The following RAD54L2 variants were observed in gnomAD, a reference collection of about 807,000 sequenced individuals.
RAD54L2 encodes RAD54 like 2, also known as helicase ARIP4.
A neutral mutation model predicts 138.4 loss-of-function variants in RAD54L2; 27 were observed. That is an observed-to-expected ratio of 0.20 (90% CI 0.14 to 0.27). RAD54L2 has a LOEUF of 0.27. RAD54L2 is among the 10% of genes least tolerant of loss of function. RAD54L2 has a pLI of 1.00. For synonymous variants in RAD54L2, 644 were observed against 723.2 expected, an observed-to-expected ratio of 0.89 and a Z score of 1.76; for missense variants, 1,396 against 1,890.2, an observed-to-expected ratio of 0.74 and a Z score of 4.85.
intron 3 of RAD54L2, among the ~76,000 whole-genome samples, chr3:51,614,860 G>A (rs932938612): frequency 8.6e-5 from 13 of 151,106 alleles, no homozygotes; most frequent in African/African-American, 3.2e-4. Flanking sequence ...CCCCCTAACA[G>A]TCTTTAATAT....
chr3:51,604,476 T>C (rs1473157942), intron 3 of RAD54L2, among the ~76,000 whole-genome samples: 10 of 151,774 alleles, frequency 6.6e-5, no homozygotes, highest in Non-Finnish European at 1.2e-4. Context: ...GAAATGGGAG[T>C]AGAGGGGAAG....
chr3:51,577,824 A>G (rs1021116525), intron 2 of RAD54L2, among the ~76,000 whole-genome samples: 2 of 152,186 alleles, frequency 1.3e-5, no homozygotes. Flanking sequence ...TTGGAAATTC[A>G]GAAATCACCC....
intron 2 of RAD54L2, among the ~76,000 whole-genome samples, chr3:51,557,322 A>G (rs1698995380): frequency 6.6e-6 from 1 of 151,370 alleles, no homozygotes. Flanking sequence ...AGCTGAGACT[A>G]CAAGTGCACA....
intron 1 of RAD54L2, among the ~76,000 whole-genome samples, chr3:51,539,273 A>G (rs1698491578): frequency 6.6e-6 from 1 of 152,052 alleles, no homozygotes; most frequent in African/African-American, 2.4e-5. Flanking sequence ...GGGTTGGGAA[A>G]GTATTTGGAA....
chr3:51,553,072 TG>T (rs1158141893), intron 2 of RAD54L2, among the ~76,000 whole-genome samples: 2 of 152,122 alleles, frequency 1.3e-5, no homozygotes, highest in African/African-American at 2.4e-5. Flanking sequence ...ACTTTGTGTG[TG>T]TTTTTTTGTT....
Position 51,663,691 on chromosome 3 carries a change from C to T in RAD54L2, c.*271C>T, listed in dbSNP as rs940450482. On this transcript the variant is annotated 3_prime_UTR_variant, in exon 23 of 23. Transcript: ENST00000684192. ...TGGAGGGGCAGTGCAGCCTCTTTTCCTTCCTGCCTTGCTTATGCTGTCTGC... is the reference window on the plus strand; with the variant it reads ...TGGAGGGGCAGTGCAGCCTCTTTTCTTTCCTGCCTTGCTTATGCTGTCTGC... 2.3e-6 allele frequency: 1 copy of T among 432,166 alleles called. No individual in the cohort carries two copies. The highest frequency in any genetic ancestry group is 2.0e-5 in the African/African-American group (1 of 49,754). 26.8% of individuals were successfully genotyped at this position (432,166 alleles called of 1,614,324 possible). A position where few individuals can be genotyped will look rare whatever the true frequency, so the allele number is the denominator to read the frequency against.
At chr3:51,600,352 C>T (rs915995135) in intron 3 of RAD54L2, among the ~76,000 whole-genome samples, 4 of 152,212 alleles carry the variant, frequency 2.6e-5, no homozygotes, top group Non-Finnish European at 2.9e-5. Flanking sequence ...CAATGGCTTA[C>T]ACCTATGATC....
At chr3:51,605,821 C>T (rs1700168318) in intron 3 of RAD54L2, among the ~76,000 whole-genome samples, 1 of 152,180 alleles carries the variant, frequency 6.6e-6, no homozygotes, top group Non-Finnish European at 1.5e-5. Flanking sequence ...TAATTAGAGA[C>T]AGCAGCAGCC....
At chr3:51,611,143 G>C (rs1489184425) in intron 3 of RAD54L2, among the ~76,000 whole-genome samples, 1 of 151,584 alleles carries the variant, frequency 6.6e-6, no homozygotes, top group Admixed American at 6.6e-5. Context: ...ACCCTTGGAG[G>C]TAAAATTGTA....
At chr3:51,591,131 C>T (rs887181364) in intron 3 of RAD54L2, among the ~76,000 whole-genome samples, 3 of 152,192 alleles carry the variant, frequency 2.0e-5, no homozygotes, top group African/African-American at 7.2e-5. Context: ...ATCTCCATAG[C>T]TGGTAGATCC....
At chr3:51,551,792 C>T (rs1319316556) in intron 2 of RAD54L2, among the ~76,000 whole-genome samples, 3 of 146,148 alleles carry the variant, frequency 2.1e-5, no homozygotes, top group East Asian at 2.1e-4. Context: ...CTCGCTCTGT[C>T]GCCAGGCTGG....
intron 2 of RAD54L2, among the ~76,000 whole-genome samples, chr3:51,573,574 T>G (rs1008730086): frequency 5.9e-5 from 9 of 152,182 alleles, no homozygotes; most frequent in African/African-American, 2.2e-4. Context: ...TAGCTGGGAT[T>G]ACAGGCAAGC....
At chr3:51,586,580 T>G (rs992305290) in intron 2 of RAD54L2, among the ~76,000 whole-genome samples, 1 of 151,618 alleles carries the variant, frequency 6.6e-6, no homozygotes, top group African/African-American at 2.4e-5. Context: ...TTTTTTTTTT[T>G]TTTTTGAGAT....
chr3:51,543,483 C>G (rs1215127855), intron 2 of RAD54L2, among the ~76,000 whole-genome samples: 3 of 152,058 alleles, frequency 2.0e-5, no homozygotes, highest in Admixed American at 2.0e-4. Context: ...TGGCGCATGC[C>G]TGTAATCCCA....
chr3:51,640,930 C>T lies in RAD54L2; in HGVS notation c.2232-819C>T, dbSNP rs559976869. Among the ~76,000 whole-genome samples, 17 of 152,288 alleles carry T rather than the reference C, an allele frequency of 1.1e-4. No individual in the cohort carries two copies. The South Asian group carries it at 3.5e-3, about 32-fold the overall frequency. On this transcript the variant is annotated intron_variant, in intron 14 of 22. Transcript: ENST00000684192. ...GTGGTAGTCGTAAGTATGTGGATGA[C>T]TCTGCTCCCATTATACGCTAGGAAG...
At chr3:51,625,605 T>C (rs1426153240) in intron 3 of RAD54L2, among the ~76,000 whole-genome samples, 2 of 151,996 alleles carry the variant, frequency 1.3e-5, no homozygotes, top group African/African-American at 2.4e-5. Context: ...ATGCCTATAC[T>C]CCAAGCACAT....
chr3:51,651,163 T>C lies in RAD54L2; in HGVS notation c.3026+4682T>C, dbSNP rs77470760. On this transcript the variant is annotated intron_variant, in intron 19 of 22. Transcript: ENST00000684192. ...TCAGAGAATACTCTAAACACCTCTA[T>C]GCAAATAAACTAGAAAATCTAGAGG... Among the ~76,000 whole-genome samples the C allele has an allele frequency of 1.8e-4, 27 of 152,254 alleles. No individual in the cohort carries two copies. The East Asian group carries it at 2.7e-3, about 15-fold the overall frequency.
At chr3:51,573,653 A>AT (rs1699393082) in intron 2 of RAD54L2, among the ~76,000 whole-genome samples, 1 of 152,122 alleles carries the variant, frequency 6.6e-6, no homozygotes, top group African/African-American at 2.4e-5. Context: ...TATTTTTAGT[A>AT]GAGATGGGGT....
chr3:51,587,651 G>A (rs1699738392), intron 2 of RAD54L2, among the ~76,000 whole-genome samples: 1 of 151,832 alleles, frequency 6.6e-6, no homozygotes, highest in African/African-American at 2.4e-5. Flanking sequence ...CGTAATTCCT[G>A]TTATTTCTAA....
Sources: gnomAD v4.1 joint callset for allele counts (sites outside exome capture counted in the v4.1 genomes callset) on GRCh38, gnomAD v4.1.1 for gene constraint, MANE v1.5 for transcripts, NCBI Gene and HGNC (gene_info 2026-07-23, HGNC 2026-07-21) for gene names.